The following ANO4 variants were observed in gnomAD, a reference collection of about 807,000 sequenced individuals.
ANO4 encodes the protein anoctamin-4.
Under a neutral mutation model 141.9 loss-of-function variants are expected in ANO4, and 69 were observed. The ratio of observed to expected loss-of-function variants is 0.49; its 90% CI spans 0.40 to 0.59. The LOEUF is 0.59. Among genes scored for constraint, ANO4 ranks in the 20% least tolerant of loss-of-function variants. The pLI is 0.00. For missense variants in ANO4, 894 were observed against 1,162.2 expected, an observed-to-expected ratio of 0.77 and a Z score of 3.36; for synonymous variants, 350 against 394.3, an observed-to-expected ratio of 0.89 and a Z score of 1.33.
intron 24 of ANO4, among the ~76,000 whole-genome samples, chr12:101,113,822 C>A (rs1230040084): frequency 6.6e-6 from 1 of 152,078 alleles, no homozygotes; most frequent in African/African-American, 2.4e-5. Flanking sequence ...CGGTAGAATT[C>A]TCACATTTAA....
intron 5 of ANO4, among the ~76,000 whole-genome samples, chr12:100,943,697 C>T (rs956613856): frequency 2.0e-5 from 3 of 150,798 alleles, no homozygotes; most frequent in African/African-American, 7.3e-5. Context: ...TAGAGGTTCC[C>T]TGGTACAACA....
chr12:101,087,596 A>C (rs1420574851), intron 17 of ANO4, among the ~76,000 whole-genome samples: 1 of 152,156 alleles, frequency 6.6e-6, no homozygotes, highest in Non-Finnish European at 1.5e-5. Flanking sequence ...AAGCTGGTAC[A>C]TATTGCTTTT....
intron 1 of ANO4, among the ~76,000 whole-genome samples, chr12:100,803,303 G>A (rs1297248389): frequency 6.6e-6 from 1 of 152,172 alleles, no homozygotes; most frequent in Non-Finnish European, 1.5e-5. Context: ...AAGTGAACAT[G>A]CAAAAATTGA....
intron 5 of ANO4, among the ~76,000 whole-genome samples, chr12:100,953,247 A>G (rs1325961707): frequency 1.3e-5 from 2 of 152,230 alleles, no homozygotes; most frequent in African/African-American, 4.8e-5. Context: ...TATGCAAAGT[A>G]TATATCATGA....
chr12:101,125,467 C>A (rs1447190226), intron 26 of ANO4, among the ~76,000 whole-genome samples: 1 of 152,146 alleles, frequency 6.6e-6, no homozygotes, highest in African/African-American at 2.4e-5. Flanking sequence ...ATTTATTTCT[C>A]TTGCCTGACT....
At chr12:100,816,118 T>G (rs1421443898) in intron 1 of ANO4, among the ~76,000 whole-genome samples, 1 of 152,144 alleles carries the variant, frequency 6.6e-6, no homozygotes. Context: ...ATCGTAGTAC[T>G]GAATGCATGG....
intron 1 of ANO4, among the ~76,000 whole-genome samples, chr12:100,826,935 C>T (rs554465884): frequency 4.6e-5 from 7 of 152,136 alleles, no homozygotes; most frequent in African/African-American, 1.4e-4. Context: ...CACCACCTCA[C>T]TGTGGCCATC....
At chr12:100,980,758 T>C (rs2044423134) in intron 7 of ANO4, among the ~76,000 whole-genome samples, 1 of 152,238 alleles carries the variant, frequency 6.6e-6, no homozygotes, top group Admixed American at 6.5e-5. Context: ...ACATGGATTT[T>C]TGGAGTTAAT....
chr12:101,001,383 C>T (rs1289120796), intron 8 of ANO4, among the ~76,000 whole-genome samples: 1 of 152,196 alleles, frequency 6.6e-6, no homozygotes, highest in Non-Finnish European at 1.5e-5. Flanking sequence ...TCTGGTGCCC[C>T]ATTGGTCAGT....
In ANO4 at chr12:100,974,835, G is replaced by C. The variant is rs1394894594; in HGVS notation, c.558-10G>C. Reference sequence around the variant, plus strand: ...CTTCTCGACTGGCTTCATTTTTGCTGTTCTTCCAGGAGAAAAATCTATTAC... The same window carrying C: ...CTTCTCGACTGGCTTCATTTTTGCTCTTCTTCCAGGAGAAAAATCTATTAC... On this transcript the variant is annotated splice_polypyrimidine_tract_variant and intron_variant, in intron 6 of 27. Coordinates refer to ENST00000392977, the MANE Select transcript of ANO4 (RefSeq NM_001286615.2). 1 of 1,612,758 alleles carries C rather than the reference G, an allele frequency of 6.2e-7. No homozygotes were observed. The highest frequency in any genetic ancestry group is 1.8e-4 in the Middle Eastern group (1 of 5,446).
At chr12:100,779,324 T>G (rs559821319) in intron 3 of ANO4, among the ~76,000 whole-genome samples, 25 of 152,214 alleles carry the variant, frequency 1.6e-4, no homozygotes, top group Non-Finnish European at 3.2e-4. Context: ...TTCTTCTAGT[T>G]TGATTCCAGA....
chr12:100,836,857 G>A (rs2036954328), intron 1 of ANO4, among the ~76,000 whole-genome samples: 2 of 152,146 alleles, frequency 1.3e-5, no homozygotes, highest in Admixed American at 1.3e-4. Context: ...AGAGATATGT[G>A]ATATTCCAGG....
At chr12:101,042,557 A>G (rs1390341678) in intron 12 of ANO4, 89 bp downstream of exon 12, 1 of 1,529,468 alleles carries the variant, frequency 6.5e-7, no homozygotes, top group Non-Finnish European at 8.9e-7. Flanking sequence ...TTGTGGAGAC[A>G]TTTAGCTTTT....
chr12:100,753,667 C>T (rs1164161967), intron 3 of ANO4, among the ~76,000 whole-genome samples: 1 of 152,102 alleles, frequency 6.6e-6, no homozygotes, highest in African/African-American at 2.4e-5. Context: ...ATTTTTTTCT[C>T]CCATTTTTCA....
intron 5 of ANO4, among the ~76,000 whole-genome samples, chr12:100,954,284 A>G (rs762184365): frequency 6.6e-6 from 1 of 152,184 alleles, no homozygotes; most frequent in Non-Finnish European, 1.5e-5. Context: ...TCCACCTCCC[A>G]TCACTTCAGC....
Position 101,100,963 on chromosome 12 carries a change from C to T in ANO4, c.2149+1243C>T, listed in dbSNP as rs202197358. On this transcript the variant is annotated intron_variant, in intron 22 of 27. Transcript: ENST00000392977. The stretch of plus-strand genomic sequence containing the variant: ...CTATTGCCTGCAGGTCAGATTCAGC[C>T]CACTGCCTGTTTTTGTAAATAAAGT... Among the ~76,000 whole-genome samples the T allele has an allele frequency of 2.0e-5, 3 of 152,142 alleles. No homozygotes were observed. In the East Asian group the frequency reaches 5.8e-4, roughly 29 times the overall value.
intron 5 of ANO4, among the ~76,000 whole-genome samples, chr12:100,950,723 C>T (rs531367165): frequency 2.6e-5 from 4 of 152,266 alleles, no homozygotes; most frequent in Middle Eastern, 3.4e-3. Flanking sequence ...CGGGCCCCCA[C>T]GTCAGTCAGT....
intron 1 of ANO4, among the ~76,000 whole-genome samples, chr12:100,872,417 T>C (rs1290598845): frequency 6.6e-6 from 1 of 152,146 alleles, no homozygotes; most frequent in African/African-American, 2.4e-5. Flanking sequence ...TTCTGACCAA[T>C]TCTCATATAC....
intron 15 of ANO4, among the ~76,000 whole-genome samples, chr12:101,081,827 G>A (rs878947054): frequency 6.6e-6 from 1 of 152,070 alleles, no homozygotes; most frequent in African/African-American, 2.4e-5. Context: ...TTCTCCCTGT[G>A]TCTTCACATC....
Sources: allele counts gnomAD v4.1 joint callset (sites outside exome capture counted in the v4.1 genomes callset), GRCh38; gene constraint gnomAD v4.1.1; transcripts MANE v1.5; gene names NCBI Gene and HGNC (gene_info 2026-07-23, HGNC 2026-07-21).